PRKG1: variants seen among roughly 807,000 people sequenced by gnomAD.
The protein encoded by PRKG1 is cGMP-dependent protein kinase 1.
In PRKG1, 35 loss-of-function variants were observed where a neutral mutation model predicts 88.1. That is an observed-to-expected ratio of 0.40 (90% CI 0.30 to 0.53). The LOEUF (loss-of-function observed/expected upper bound fraction) is 0.53. Ranked by LOEUF, PRKG1 falls within the 20% of genes least tolerant of loss-of-function variation. The pLI is 0.59. For missense variants in PRKG1, 540 were observed against 839.8 expected (o/e 0.64, Z 4.41); for synonymous variants, 303 against 292.5 (o/e 1.04, Z -0.37).
chr10:52,039,199 G>A (rs184664325), intron 5 of PRKG1, among the ~76,000 whole-genome samples: 2,217 of 152,236 alleles, frequency 0.015, 46 homozygotes, highest in African/African-American at 0.049. Flanking sequence ...GGCGGACTGA[G>A]TCCGAAAAGA....
chr10:51,417,023 A>C (rs1344715339), intron 2 of PRKG1, among the ~76,000 whole-genome samples: 2 of 152,094 alleles, frequency 1.3e-5, no homozygotes, highest in Non-Finnish European at 2.9e-5. Context: ...TGTTTCCCAG[A>C]CCCCAGTGAT....
intron 13 of PRKG1, 148 bp from the exon 14 acceptor site, chr10:52,282,005 C>A (rs367632892): frequency 5.6e-5 from 45 of 797,486 alleles, no homozygotes; most frequent in Middle Eastern, 4.1e-4. Context: ...ACTGTCTTTG[C>A]AATATAGACT....
At chr10:52,035,169 C>T (rs1285243459) in intron 5 of PRKG1, among the ~76,000 whole-genome samples, 4 of 152,072 alleles carry the variant, frequency 2.6e-5, no homozygotes, top group African/African-American at 4.8e-5. Flanking sequence ...ACTGCGGTGG[C>T]CTTCTCAGAC....
intron 4 of PRKG1, among the ~76,000 whole-genome samples, chr10:51,841,965 G>A (rs1840287705): frequency 6.6e-6 from 1 of 152,204 alleles, no homozygotes; most frequent in Non-Finnish European, 1.5e-5. Context: ...TTATAGGCAT[G>A]GGCCATCGTG....
intron 3 of PRKG1, among the ~76,000 whole-genome samples, chr10:51,665,034 C>T (rs545468861): frequency 6.6e-6 from 1 of 152,046 alleles, no homozygotes; most frequent in Non-Finnish European, 1.5e-5. Flanking sequence ...TATTCACAAA[C>T]GTTCTGCTAT....
At chr10:51,578,019 T>C (rs1052926306) in intron 3 of PRKG1, among the ~76,000 whole-genome samples, 1 of 152,100 alleles carries the variant, frequency 6.6e-6, no homozygotes, top group African/African-American at 2.4e-5. Context: ...GATTCTCTAA[T>C]CATGTTCATT....
At chr10:51,810,996 T>C (rs1457195605) in intron 4 of PRKG1, among the ~76,000 whole-genome samples, 2 of 152,210 alleles carry the variant, frequency 1.3e-5, no homozygotes, top group Non-Finnish European at 2.9e-5. Context: ...AAATCTAAGA[T>C]GTGATGTCAT....
intron 8 of PRKG1, among the ~76,000 whole-genome samples, chr10:52,145,192 C>A (rs1337916939): frequency 6.6e-6 from 1 of 152,092 alleles, no homozygotes; most frequent in Non-Finnish European, 1.5e-5. Context: ...ATAATCACAG[C>A]TTTGATTACG....
intron 3 of PRKG1, among the ~76,000 whole-genome samples, chr10:51,510,619 A>C (rs1272691578): frequency 6.6e-6 from 1 of 152,216 alleles, no homozygotes; most frequent in Non-Finnish European, 1.5e-5. Flanking sequence ...TTTAAAATAA[A>C]ACTAATTTTG....
intron 14 of PRKG1, among the ~76,000 whole-genome samples, chr10:52,283,775 G>T (rs1467666340): frequency 6.6e-6 from 1 of 151,998 alleles, no homozygotes; most frequent in Non-Finnish European, 1.5e-5. Flanking sequence ...TGTGTGGATG[G>T]ATAGATAGGT....
intron 3 of PRKG1, among the ~76,000 whole-genome samples, chr10:51,739,383 G>T (rs1228129596): frequency 1.3e-5 from 2 of 151,996 alleles, no homozygotes; most frequent in African/African-American, 4.8e-5. Context: ...TTGATACTAG[G>T]TTATATATTA....
At chr10:52,204,073 GTTATTATTATTATTA>G (rs140296072) in intron 9 of PRKG1, among the ~76,000 whole-genome samples, 1,961 of 75,336 alleles carry the variant, frequency 0.026, 51 homozygotes, top group African/African-American at 0.063. Flanking sequence ...TTGTTCGCTG[GTTATTATTATTATTA>G]TTATTATTAT....
At chr10:52,213,806 C>T (rs1393166817) in intron 9 of PRKG1, among the ~76,000 whole-genome samples, 1 of 152,118 alleles carries the variant, frequency 6.6e-6, no homozygotes, top group Non-Finnish European at 1.5e-5. Context: ...TTGAAATTCA[C>T]TTTGTATTCT....
At chr10:51,534,128 A>G (rs904995757) in intron 3 of PRKG1, among the ~76,000 whole-genome samples, 44 of 152,184 alleles carry the variant, frequency 2.9e-4, no homozygotes, top group African/African-American at 1.1e-3. Context: ...GGCTCATAAA[A>G]TCCCTTATGA....
intron 2 of PRKG1, among the ~76,000 whole-genome samples, chr10:51,372,425 TTTTG>T (rs1268085321): frequency 6.6e-6 from 1 of 152,198 alleles, no homozygotes; most frequent in Non-Finnish European, 1.5e-5. Context: ...ATATAGATTC[TTTTG>T]TTTTTCACTT....
At chr10:51,085,645 C>G (rs1844228517) in intron 1 of PRKG1, among the ~76,000 whole-genome samples, 1 of 151,894 alleles carries the variant, frequency 6.6e-6, no homozygotes, top group Non-Finnish European at 1.5e-5. Context: ...CAGTGAGTTC[C>G]TCTCTGAGCA....
rs1243458488 is a variant in PRKG1 at position 51,270,754 on chromosome 10, C to T, written c.478+117424C>T. Among the ~76,000 whole-genome samples the T allele has an allele frequency of 2.0e-5, 3 of 152,222 alleles. No individual in the cohort carries two copies. The East Asian group carries it at 5.8e-4, about 29-fold the overall frequency. On this transcript the variant is annotated intron_variant, in intron 2 of 17. Transcript: ENST00000373980. Reference sequence around the variant, plus strand: ...ATCTGCACCAATTCCACTCCTTTGTCAATTTGGTTGGTGTCCACAACCCTC... The same window carrying T: ...ATCTGCACCAATTCCACTCCTTTGTTAATTTGGTTGGTGTCCACAACCCTC...
intron 3 of PRKG1, among the ~76,000 whole-genome samples, chr10:51,653,000 A>G (rs750216536): frequency 6.6e-6 from 1 of 152,230 alleles, no homozygotes; most frequent in Non-Finnish European, 1.5e-5. Context: ...TTCACTTAGT[A>G]TAATGTTCTC....
rs192394651 is a variant in PRKG1 at position 51,278,823 on chromosome 10, G to A, written c.478+125493G>A. On this transcript the variant is annotated intron_variant, in intron 2 of 17. Transcript: ENST00000373980. ...TATCCCCTTTATCATTTTTTATTGC[G>A]TCTATTTGATTCTTCTCTCTTTTCT... 2.0e-4 allele frequency among the ~76,000 whole-genome samples: 31 copies of A among 151,968 alleles called. No individual in the cohort carries two copies. The East Asian group carries it at 2.1e-3, about 10-fold the overall frequency.
Sources: allele counts gnomAD v4.1 joint callset (sites outside exome capture counted in the v4.1 genomes callset), GRCh38; gene constraint gnomAD v4.1.1; transcripts MANE v1.5; gene names NCBI Gene and HGNC (gene_info 2026-07-23, HGNC 2026-07-21).